Variants in AGAP1 observed in about 807,000 individuals in gnomAD.
The protein encoded by AGAP1 is arf-GAP with GTPase, ANK repeat and PH domain-containing protein 1.
A neutral mutation model predicts 105.3 loss-of-function variants in AGAP1; 29 were observed. The ratio of observed to expected loss-of-function variants is 0.28; its 90% CI spans 0.21 to 0.38. The LOEUF (loss-of-function observed/expected upper bound fraction) is 0.38, where lower values mean the gene tolerates loss of function less well. AGAP1 is among the 10% of genes least tolerant of loss of function. The pLI, the probability that AGAP1 is intolerant of heterozygous loss-of-function variation, is 1.00. For synonymous variants in AGAP1, 509 were observed against 485.9 expected, an observed-to-expected ratio of 1.05 and a Z score of -0.63; for missense variants, 998 against 1,165.1, an observed-to-expected ratio of 0.86 and a Z score of 2.09.
intron 1 of AGAP1, among the ~76,000 whole-genome samples, chr2:235,590,003 C>G (rs1945275238): frequency 6.6e-6 from 1 of 152,030 alleles, no homozygotes; most frequent in Admixed American, 6.5e-5. Flanking sequence ...GCCTCAGCCT[C>G]CCTGGTAGCT....
At position 235,714,925 on chromosome 2, in the gene AGAP1, G is replaced by A. The variant is rs1315865478; in HGVS notation, c.223-2632G>A. Among the ~76,000 whole-genome samples, 1 of 152,062 alleles carries A rather than the reference G, an allele frequency of 6.6e-6. No homozygotes were observed. The highest frequency in any genetic ancestry group is 2.4e-5 in the African/African-American group (1 of 41,386). On this transcript the variant is annotated intron_variant, in intron 2 of 17. Coordinates refer to ENST00000304032, the MANE Select transcript of AGAP1 (RefSeq NM_001037131.3). This position sits in a 1 kb window ranked among gnomAD's most constrained non-coding sequence, Gnocchi z 4.1. Reference sequence around the variant, plus strand: ...CGATTCTCCTGCCTTAGCCTCCTGAGTAGCTGGGACTACAGGCGTGTGCCA... The same window carrying A: ...CGATTCTCCTGCCTTAGCCTCCTGAATAGCTGGGACTACAGGCGTGTGCCA...
At chr2:235,669,865 G>C (rs1948279806) in intron 1 of AGAP1, 1 of 147,710 alleles carries the variant, frequency 6.8e-6, no homozygotes, top group Non-Finnish European at 1.5e-5. Context: ...CGGCCGCCTC[G>C]CTTGGCCCCG....
chr2:235,768,668 C>T (rs139538241), intron 6 of AGAP1, among the ~76,000 whole-genome samples: 2,114 of 152,320 alleles, frequency 0.014, 21 homozygotes, highest in Non-Finnish European at 0.019. Flanking sequence ...TAAACTCCGG[C>T]GGCATCCAGG....
rs2054004345 is a variant in AGAP1 at position 235,957,621 on chromosome 2, C to A, written c.1484-10841C>A. Among the ~76,000 whole-genome samples the A allele has an allele frequency of 6.6e-6, 1 of 152,210 alleles. No homozygotes were observed. The highest frequency in any genetic ancestry group is 2.4e-5 in the African/African-American group (1 of 41,458). On this transcript the variant is annotated intron_variant, in intron 12 of 17. Transcript: ENST00000304032. This position sits in a 1 kb window ranked among gnomAD's most constrained non-coding sequence, Gnocchi z 4.6. Reference sequence around the variant, plus strand: ...CGAAGGGGTGAGGTTTTGAACCTCACTTCACACTCACCTTTTAACAGAGAC... The same window carrying A: ...CGAAGGGGTGAGGTTTTGAACCTCAATTCACACTCACCTTTTAACAGAGAC...
chr2:235,686,526 A>G lies in AGAP1; in HGVS notation c.164-22653A>G, dbSNP rs539373164. 2.7e-3 allele frequency among the ~76,000 whole-genome samples: 387 copies of G among 143,280 alleles called. 2 individuals carry two copies. The highest frequency in any genetic ancestry group is 9.4e-3 in the African/African-American group (358 of 37,894). The allele number at this position is 143,280 out of a possible 152,430, so 94.0% of individuals were successfully genotyped here. On this transcript the variant is annotated intron_variant, in intron 1 of 17. Transcript: ENST00000304032. Reference sequence around the variant, plus strand: ...TGACAGATTGAAATTTGACGTCCGAATTCTGGTTCCCAGGAAGGAGATATA... The same window carrying G: ...TGACAGATTGAAATTTGACGTCCGAGTTCTGGTTCCCAGGAAGGAGATATA...
chr2:235,715,561 C>G (rs188970622), intron 2 of AGAP1, among the ~76,000 whole-genome samples: 1 of 152,092 alleles, frequency 6.6e-6, no homozygotes, highest in Non-Finnish European at 1.5e-5. Flanking sequence ...AAGTTGTGTG[C>G]GAGGATTTGG....
rs1951256946 is a variant in AGAP1 at position 235,719,112 on chromosome 2, C to G, written c.310+1468C>G. ...AAATGACCACCTTTTCTAAGTAAAT[C>G]TACTTTCAGGGCCCTGCAACTCTGT... On this transcript the variant is annotated intron_variant, in intron 3 of 17. Transcript: ENST00000304032. The surrounding 1 kb of genome is among the most constrained non-coding windows in gnomAD (Gnocchi z 4.9). Among the ~76,000 whole-genome samples the G allele has an allele frequency of 6.6e-6, 1 of 152,134 alleles. No homozygotes were observed. The highest frequency in any genetic ancestry group is 1.5e-5 in the Non-Finnish European group (1 of 68,036).
At chr2:235,538,817 G>A (rs897185747) in intron 1 of AGAP1, among the ~76,000 whole-genome samples, 3 of 152,164 alleles carry the variant, frequency 2.0e-5, no homozygotes, top group Admixed American at 6.5e-5. Context: ...GAATTCTAGT[G>A]TGGGAAAGCT....
In AGAP1 at chr2:235,750,953, T is replaced by A. The variant is rs1294183014; in HGVS notation, c.673+465T>A. ...TTTGGACCTCCCCCCACCAAAAAAATAATAAAATGACACGATACCACTCAC... is the reference window on the plus strand; with the variant it reads ...TTTGGACCTCCCCCCACCAAAAAAAAAATAAAATGACACGATACCACTCAC... On this transcript the variant is annotated intron_variant, in intron 6 of 17. Coordinates refer to ENST00000304032, the MANE Select transcript of AGAP1 (RefSeq NM_001037131.3). The surrounding 1 kb of genome is among the most constrained non-coding windows in gnomAD (Gnocchi z 5.3). 6.6e-6 allele frequency among the ~76,000 whole-genome samples: 1 copy of A among 152,052 alleles called. No individual in the cohort carries two copies. Among genetic ancestry groups the A allele is most frequent in the African/African-American group, 2.4e-5 (1 of 41,378 alleles).
chr2:236,120,153 G>A lies in AGAP1; in HGVS notation c.2115-39G>A, dbSNP rs746885653. ...AGGGGCTGGCAGCCTGTGTTCTCGG[G>A]CCTGATCGTGACTGCACCTGTCTGG... On this transcript the variant is annotated intron_variant, in intron 16 of 17. Transcript: ENST00000304032. This position sits in a 1 kb window ranked among gnomAD's most constrained non-coding sequence, Gnocchi z 6.0. 6 of 1,581,452 alleles carry A rather than the reference G, an allele frequency of 3.8e-6. No homozygotes were observed. The South Asian group carries it at 7.1e-5, about 19-fold the overall frequency.
chr2:235,778,206 G>T (rs1489968431), intron 6 of AGAP1, among the ~76,000 whole-genome samples: 1 of 152,158 alleles, frequency 6.6e-6, no homozygotes, highest in African/African-American at 2.4e-5. Context: ...TGAGCACCAG[G>T]TTGTATTGGT....
At position 236,062,484 on chromosome 2, in the gene AGAP1, A is replaced by T. The variant is rs11291129; in HGVS notation, c.2114+13203A>T. ...TGTTACTTTTCATTTATTTTCATGT[A>T]TTTTTTTTAGAAACAGAATCTCACT... On this transcript the variant is annotated intron_variant, in intron 16 of 17. Coordinates refer to ENST00000304032, the MANE Select transcript of AGAP1 (RefSeq NM_001037131.3). This position sits in a 1 kb window ranked among gnomAD's most constrained non-coding sequence, Gnocchi z 4.2. 3.0e-3 allele frequency among the ~76,000 whole-genome samples: 93 copies of T among 30,894 alleles called. No homozygotes were observed. Among genetic ancestry groups the T allele is most frequent in the African/African-American group, 8.0e-3 (82 of 10,230 alleles). The allele number at this position is 30,894 out of a possible 152,430, so 20.3% of individuals were successfully genotyped here.
At chr2:235,937,706 T>A (rs2053059697) in intron 12 of AGAP1, among the ~76,000 whole-genome samples, 1 of 152,208 alleles carries the variant, frequency 6.6e-6, no homozygotes, top group South Asian at 2.1e-4. Flanking sequence ...AGGGGTGATT[T>A]TGTCTCCTTG....
chr2:235,567,094 G>A (rs1324664744), intron 1 of AGAP1, among the ~76,000 whole-genome samples: 1 of 152,158 alleles, frequency 6.6e-6, no homozygotes, highest in Admixed American at 6.5e-5. Flanking sequence ...GCCTGGTTGC[G>A]GGGACTGTGT....
chr2:235,691,539 A>T lies in AGAP1; in HGVS notation c.164-17640A>T, dbSNP rs1292133749. ...AGTCCCTCTTCCTCCACACAGCAAC[A>T]CTGGTTCTAAAACAGTCGGATAGCC... is the stretch of plus-strand genomic sequence containing the variant. On this transcript the variant is annotated intron_variant, in intron 1 of 17. Transcript: ENST00000304032. This position sits in a 1 kb window ranked among gnomAD's most constrained non-coding sequence, Gnocchi z 4.4. Among the ~76,000 whole-genome samples the T allele has an allele frequency of 6.6e-6, 1 of 152,256 alleles. No homozygotes were observed. Among genetic ancestry groups the T allele is most frequent in the African/African-American group, 2.4e-5 (1 of 41,476 alleles).
At chr2:235,925,023 G>T (rs1269955587) in intron 11 of AGAP1, among the ~76,000 whole-genome samples, 1 of 152,206 alleles carries the variant, frequency 6.6e-6, no homozygotes, top group South Asian at 2.1e-4. Context: ...TAGCAGCAGG[G>T]AGAGTGGAAG....
chr2:235,537,977 G>T (rs1445269943), intron 1 of AGAP1, among the ~76,000 whole-genome samples: 2 of 152,174 alleles, frequency 1.3e-5, no homozygotes, highest in Admixed American at 1.3e-4. Context: ...CGTACTAAGA[G>T]GCTTCTTGTT....
At chr2:235,813,643 C>T (rs1958285524) in intron 9 of AGAP1, among the ~76,000 whole-genome samples, 1 of 152,246 alleles carries the variant, frequency 6.6e-6, no homozygotes, top group South Asian at 2.1e-4. Flanking sequence ...TGGGCGTTGA[C>T]AGCTCCTGAA....
In AGAP1 at chr2:235,959,380, C is replaced by T. The variant is rs892716514; in HGVS notation, c.1484-9082C>T. Among the ~76,000 whole-genome samples, 4 of 152,116 alleles carry T rather than the reference C, an allele frequency of 2.6e-5. No homozygotes were observed. Among genetic ancestry groups the T allele is most frequent in the Non-Finnish European group, 5.9e-5 (4 of 68,030 alleles). On this transcript the variant is annotated intron_variant, in intron 12 of 17. Transcript: ENST00000304032. The surrounding 1 kb of genome is among the most constrained non-coding windows in gnomAD (Gnocchi z 7.3). Reference sequence around the variant, plus strand: ...AAAAGCACAGCGTGGAAGCCTAGTGCGTTGTGATTGCTCATATTTTAAACC... The same window carrying T: ...AAAAGCACAGCGTGGAAGCCTAGTGTGTTGTGATTGCTCATATTTTAAACC...
Sources: allele counts gnomAD v4.1 joint callset (sites outside exome capture counted in the v4.1 genomes callset), GRCh38; gene constraint gnomAD v4.1.1; non-coding constraint Gnocchi (gnomAD v3.1); transcripts MANE v1.5; gene names NCBI Gene and HGNC (gene_info 2026-07-23, HGNC 2026-07-21).